The following TGFBR3L variants were observed in gnomAD, a reference collection of about 807,000 sequenced individuals.
TGFBR3L encodes the protein transforming growth factor beta receptor 3 like, also known as transforming growth factor-beta receptor type 3-like protein.
Under a neutral mutation model 20.4 loss-of-function variants are expected in TGFBR3L, and 21 were observed. That is an observed-to-expected ratio of 1.03 (90% CI 0.73 to 1.48). TGFBR3L has a LOEUF of 1.48. Ranked by LOEUF, TGFBR3L falls within the 40% of genes most tolerant of loss-of-function variation. The pLI is 0.00. For synonymous variants in TGFBR3L, 245 were observed against 244.2 expected, an observed-to-expected ratio of 1.00 and a Z score of -0.03; for missense variants, 479 against 498.0, an observed-to-expected ratio of 0.96 and a Z score of 0.36.
In TGFBR3L at chr19:7,916,320, G is replaced by A; in HGVS notation, c.53G>A (p.Gly18Glu). The A allele has an allele frequency of 6.5e-7, 1 of 1,535,614 alleles. No homozygotes were observed. Among genetic ancestry groups the A allele is most frequent in the Middle Eastern group, 1.7e-4 (1 of 5,946 alleles). The change falls in exon 1 of 6, where the codon GGG (glycine) becomes GAG (glutamate). Residue 18 changes from glycine (G) to glutamate (E), a missense_variant. Gly to Glu is a moderately conservative substitution (Grantham distance 98). Transcript: ENST00000565886. ...TCCCTTTTCCAAAGGCGGCGGCGGG[G>A]GCGAGGTGGTCGGGTCACTTTTCCC...
rs1176939205 is a variant in TGFBR3L, at chr19:7,917,713, G to C, written c.737G>C (p.Ser246Thr). The change falls in exon 4 of 6, where the codon AGT becomes ACT. Residue 246 changes from serine to threonine, a missense_variant. Physicochemically the swap from Ser to Thr is moderately conservative, Grantham distance 58. Coordinates refer to ENST00000565886, the MANE Select transcript of TGFBR3L (RefSeq NM_001195259.2). ...GCACTTCCCACAGGGCCGCCCAAGA[G>C]TGTCCCCGGCCGTGCAGTGCGCCCT... 2.1e-6 allele frequency: 3 copies of C among 1,427,320 alleles called. No individual in the cohort carries two copies. The highest frequency in any genetic ancestry group is 2.7e-6 in the Non-Finnish European group (3 of 1,098,444). 88.4% of individuals were successfully genotyped at this position (1,427,320 alleles called of 1,614,324 possible).
rs1362397133 is a variant in TGFBR3L at position 7,917,468 on chromosome 19, C to T, written c.598-5C>T. 6.6e-7 allele frequency: 1 copy of T among 1,524,206 alleles called. No homozygotes were observed. Among genetic ancestry groups the T allele is most frequent in the Non-Finnish European group, 8.8e-7 (1 of 1,142,078 alleles). The allele number at this position is 1,524,206 out of a possible 1,614,324, so 94.4% of individuals were successfully genotyped here. A position where few individuals can be genotyped will look rare whatever the true frequency, so the allele number is the denominator to read the frequency against. ...CCGTCTCTTCCCCACCTTCCTCTCC[C>T]CCAGTGTCTGCCTCAGGACGAGGCG... On this transcript the variant is annotated splice_polypyrimidine_tract_variant and splice_region_variant and intron_variant, in intron 2 of 5. Coordinates refer to ENST00000565886, the MANE Select transcript of TGFBR3L (RefSeq NM_001195259.2).
chr19:7,916,743 A>ACACCTCTGTCGCCTTCCCGC lies in TGFBR3L; in HGVS notation c.403_422dup (p.Pro142LeufsTer39). 1 of 1,490,902 alleles carries ACACCTCTGTCGCCTTCCCGC rather than the reference A, an allele frequency of 6.7e-7. No individual in the cohort carries two copies. Among genetic ancestry groups the ACACCTCTGTCGCCTTCCCGC allele is most frequent in the Non-Finnish European group, 8.9e-7 (1 of 1,126,996 alleles). 92.4% of individuals were successfully genotyped at this position (1,490,902 alleles called of 1,614,324 possible). A position where few individuals can be genotyped will look rare whatever the true frequency, so the allele number is the denominator to read the frequency against. ...CTGCTGCGTGAGGGCTGCCCCGCCG[A>ACACCTCTGTCGCCTTCCCGC]CACCTCTGTCGCCTTCCCGCCACCG... On this transcript the variant is annotated frameshift_variant, in exon 2 of 6. Transcript: ENST00000565886. LOFTEE classifies it high-confidence loss of function.
chr19:7,916,727 G>T lies in TGFBR3L; in HGVS notation c.382G>T (p.Glu128Ter). 6.7e-7 allele frequency: 1 copy of T among 1,485,274 alleles called. No individual in the cohort carries two copies. The highest frequency in any genetic ancestry group is 8.9e-7 in the Non-Finnish European group (1 of 1,124,600). The allele number at this position is 1,485,274 out of a possible 1,614,324, so 92.0% of individuals were successfully genotyped here. ...GGGGCCCGCCCTGGCTCTGCTGCGT[G>T]AGGGCTGCCCCGCCGACACCTCTGT... Residue 128 changes from glutamate to a stop codon, truncating the protein, a stop_gained, in exon 2 of 6, where the codon GAG becomes TAG. Coordinates refer to ENST00000565886, the MANE Select transcript of TGFBR3L (RefSeq NM_001195259.2). LOFTEE classifies it high-confidence loss of function.
intron 5 of TGFBR3L, 91 bp from the exon 7 acceptor site, chr19:7,918,826 C>T (rs1983444484): frequency 2.5e-6 from 1 of 397,968 alleles, no homozygotes; most frequent in East Asian, 3.6e-5. Context: ...CCCCGGCATG[C>T]AGACCGATGG....
chr19:7,917,968 C>A, intron 4 of TGFBR3L, 89 bp from the exon 6 acceptor site: 2 of 1,466,698 alleles, frequency 1.4e-6, no homozygotes, highest in Non-Finnish European at 1.8e-6. Flanking sequence ...CTAGGCCTGC[C>A]TCCGCGATGC....
chr19:7,918,165 G>C, intron 5 of TGFBR3L, 36 bp downstream of exon 6: 1 of 1,528,306 alleles, frequency 6.5e-7, no homozygotes, highest in Non-Finnish European at 8.8e-7. Flanking sequence ...GGTGAGGTAG[G>C]AGATCTGACA....
chr19:7,918,177 T>TGA, intron 5 of TGFBR3L, 48 bp downstream of exon 6: 1 of 1,512,964 alleles, frequency 6.6e-7, no homozygotes, highest in Middle Eastern at 1.7e-4. Flanking sequence ...GATCTGACAG[T>TGA]GACGCTTCCT....
Position 7,916,142 on chromosome 19 carries a change from G to A in TGFBR3L, c.-126G>A. 7.0e-7 allele frequency: 1 copy of A among 1,433,598 alleles called. No individual in the cohort carries two copies. The highest frequency in any genetic ancestry group is 9.1e-7 in the Non-Finnish European group (1 of 1,097,964). The allele number at this position is 1,433,598 out of a possible 1,614,324, so 88.8% of individuals were successfully genotyped here. Reference sequence around the variant, plus strand: ...TCTCTTCCGCCCCAGGGAGGGCTTCGCCAGCTTCGGAGGCTTCTCTAGGGG... The same window carrying A: ...TCTCTTCCGCCCCAGGGAGGGCTTCACCAGCTTCGGAGGCTTCTCTAGGGG... On this transcript the variant is annotated 5_prime_UTR_variant, in exon 1 of 6. Coordinates refer to ENST00000565886, the MANE Select transcript of TGFBR3L (RefSeq NM_001195259.2).
chr19:7,916,124 C>T lies in TGFBR3L; in HGVS notation c.-144C>T. On this transcript the variant is annotated 5_prime_UTR_variant, in exon 1 of 6. Coordinates refer to ENST00000565886, the MANE Select transcript of TGFBR3L (RefSeq NM_001195259.2). ...CGGGTGCTCCTCACCGCTTCTCTTCCGCCCCAGGGAGGGCTTCGCCAGCTT... is the reference window on the plus strand; with the variant it reads ...CGGGTGCTCCTCACCGCTTCTCTTCTGCCCCAGGGAGGGCTTCGCCAGCTT... The T allele has an allele frequency of 2.1e-6, 3 of 1,423,936 alleles. No homozygotes were observed. Among genetic ancestry groups the T allele is most frequent in the Non-Finnish European group, 2.8e-6 (3 of 1,090,604 alleles). 88.2% of individuals were successfully genotyped at this position (1,423,936 alleles called of 1,614,324 possible).
In TGFBR3L at chr19:7,915,769, C is replaced by G. The variant is rs1478223770; in HGVS notation, c.-499C>G. ...CAAGAAAAATGGATGTGCAGGCAAT[C>G]TTTCGTATTTGGAGATTAGCCGTTT... On this transcript the variant is annotated 5_prime_UTR_variant, in exon 1 of 6. Transcript: ENST00000565886. 6.6e-6 allele frequency among the ~76,000 whole-genome samples: 1 copy of G among 152,166 alleles called. No homozygotes were observed. The highest frequency in any genetic ancestry group is 2.4e-5 in the African/African-American group (1 of 41,430).
chr19:7,916,799 G>T lies in TGFBR3L; in HGVS notation c.454G>T (p.Ala152Ser). The change falls in exon 2 of 6, where the codon GCG becomes TCG. Residue 152 changes from alanine (A) to serine (S), a missense_variant. By Grantham distance (99) the Ala-to-Ser change is moderately conservative (BLOSUM62 1). Coordinates refer to ENST00000565886, the MANE Select transcript of TGFBR3L (RefSeq NM_001195259.2). The stretch of plus-strand genomic sequence containing the variant: ...GCCGAGCCCGGGTGCCGCCCGCCCC[G>T]CGCGTTTCAGCTTCCGCCTGCGCCC... The T allele has an allele frequency of 6.7e-7, 1 of 1,484,484 alleles. No individual in the cohort carries two copies. The highest frequency in any genetic ancestry group is 2.2e-5 in the Admixed American group (1 of 45,658). 92.0% of individuals were successfully genotyped at this position (1,484,484 alleles called of 1,614,324 possible).
chr19:7,917,711 G>C lies in TGFBR3L; in HGVS notation c.735G>C (p.Lys245Asn). ...TGGCACTTCCCACAGGGCCGCCCAA[G>C]AGTGTCCCCGGCCGTGCAGTGCGCC... Residue 245 changes from lysine (K) to asparagine (N), a missense_variant, in exon 4 of 6, where the codon AAG becomes AAC. By Grantham distance (94) the Lys-to-Asn change is moderately conservative (BLOSUM62 0). Transcript: ENST00000565886. The C allele has an allele frequency of 7.0e-7, 1 of 1,426,938 alleles. No individual in the cohort carries two copies. The highest frequency in any genetic ancestry group is 9.1e-7 in the Non-Finnish European group (1 of 1,098,190). 88.4% of individuals were successfully genotyped at this position (1,426,938 alleles called of 1,614,324 possible).
rs532844274 is a variant in TGFBR3L at position 7,916,913 on chromosome 19, ACGCCGCCGCCGC to A, written c.579_590del (p.Pro194_Pro197del). On this transcript the variant is annotated inframe_deletion, in exon 2 of 6. Transcript: ENST00000565886. ...AGTCCGCCGGGCGCCTGCGCCTCTG[ACGCCGCCGCCGC>A]CGCCGCCGCCATCGCGGGTGCGCGG... 2.0e-5 allele frequency: 26 copies of A among 1,306,058 alleles called. No homozygotes were observed. Among genetic ancestry groups the A allele is most frequent in the East Asian group, 6.3e-5 (2 of 31,504 alleles). The allele number at this position is 1,306,058 out of a possible 1,614,324, so 80.9% of individuals were successfully genotyped here.
chr19:7,918,210 CTG>C, intron 5 of TGFBR3L, 81 bp downstream of exon 6: 2 of 1,416,798 alleles, frequency 1.4e-6, no homozygotes, highest in Non-Finnish European at 1.9e-6. Context: ...GTGCCAGGCA[CTG>C]TGGTTTTTTT....
At chr19:7,916,972 C>T (rs1983340894) in intron 2 of TGFBR3L, 30 bp downstream of exon 3, 1 of 1,271,276 alleles carries the variant, frequency 7.9e-7, no homozygotes, top group Non-Finnish European at 9.9e-7. Flanking sequence ...GGAATCCGGG[C>T]GCTGGGGCCC....
intron 1 of TGFBR3L, 33 bp from the exon 3 acceptor site, chr19:7,916,589 C>G: frequency 7.0e-7 from 1 of 1,432,632 alleles, no homozygotes. Context: ...CCGGTGGGGA[C>G]GGGCGATCCC....
chr19:7,918,039 C>G lies in TGFBR3L; in HGVS notation c.884-18C>G. 1 of 1,531,816 alleles carries G rather than the reference C, an allele frequency of 6.5e-7. No individual in the cohort carries two copies. The highest frequency in any genetic ancestry group is 8.7e-7 in the Non-Finnish European group (1 of 1,144,346). The allele number at this position is 1,531,816 out of a possible 1,614,324, so 94.9% of individuals were successfully genotyped here. A position where few individuals can be genotyped will look rare whatever the true frequency, so the allele number is the denominator to read the frequency against. ...GTGGCGCGCAGCAGCCCTTCTGCAG[C>G]TCGCCTCTCCCTTCCAGCGCCCCAC... On this transcript the variant is annotated intron_variant, in intron 4 of 5. Coordinates refer to ENST00000565886, the MANE Select transcript of TGFBR3L (RefSeq NM_001195259.2).
At position 7,916,782 on chromosome 19, in the gene TGFBR3L, C is replaced by T. The variant is rs1983325465; in HGVS notation, c.437C>T (p.Pro146Leu). 1.3e-6 allele frequency: 2 copies of T among 1,489,286 alleles called. No homozygotes were observed. Among genetic ancestry groups the T allele is most frequent in the South Asian group, 2.5e-5 (2 of 79,472 alleles). 92.3% of individuals were successfully genotyped at this position (1,489,286 alleles called of 1,614,324 possible). ...TTCCCGCCACCGCCGCCGCCGAGCC[C>T]GGGTGCCGCCCGCCCCGCGCGTTTC... The change falls in exon 2 of 6, where the codon CCG becomes CTG. Residue 146 changes from proline (P) to leucine (L), a missense_variant. By Grantham distance (98) the Pro-to-Leu change is moderately conservative. Transcript: ENST00000565886.
Sources: gnomAD v4.1 joint callset for allele counts (sites outside exome capture counted in the v4.1 genomes callset) on GRCh38, gnomAD v4.1.1 for gene constraint, MANE v1.5 for transcripts, NCBI Gene and HGNC (gene_info 2026-07-23, HGNC 2026-07-21) for gene names.